Variants in NACC2 observed in about 807,000 individuals in gnomAD.
NACC2 encodes NACC family member 2.
In NACC2, 8 loss-of-function variants were observed where a neutral mutation model predicts 25.1. The observed-to-expected ratio is 0.32, with a 90% CI of 0.19 to 0.57. The LOEUF (loss-of-function observed/expected upper bound fraction) is 0.57. Ranked by LOEUF, NACC2 falls within the 20% of genes least tolerant of loss-of-function variation. The pLI, the probability that NACC2 is intolerant of heterozygous loss-of-function variation, is 0.89. For missense variants in NACC2, 644 were observed against 650.2 expected (o/e 0.99, Z 0.10); for synonymous variants, 435 against 294.7 (o/e 1.48, Z -4.88).
intron 1 of NACC2, among the ~76,000 whole-genome samples, chr9:136,061,001 T>A (rs906945494): frequency 2.0e-5 from 3 of 152,214 alleles, no homozygotes; most frequent in Non-Finnish European, 4.4e-5. Flanking sequence ...CATGGTTTGT[T>A]CTGCACCATC....
chr9:136,013,234 T>C lies in NACC2; in HGVS notation c.1220A>G (p.Lys407Arg). The part of the protein sequence containing the change: ...IRSSTSDPSR[K>R]PLDSRVLNAV... ...GTTCAGGACCCGGCTGTCCAGCGGC[T>C]TCCGGCTGGGGTCGCTGGTGGACGA... Residue 407 changes from lysine to arginine, a missense_variant, in exon 5 of 6, where the codon AAG becomes AGG. Coordinates refer to ENST00000277554, the MANE Select transcript of NACC2 (RefSeq NM_144653.5). The surrounding 1 kb of genome is among the most constrained non-coding windows in gnomAD (Gnocchi z 6.6). 1 of 1,533,984 alleles carries C rather than the reference T, an allele frequency of 6.5e-7. No individual in the cohort carries two copies. Among genetic ancestry groups the C allele is most frequent in the Non-Finnish European group, 8.8e-7 (1 of 1,131,406 alleles).
intron 1 of NACC2, among the ~76,000 whole-genome samples, chr9:136,072,189 G>A (rs895304196): frequency 4.0e-5 from 6 of 151,802 alleles, no homozygotes; most frequent in African/African-American, 1.5e-4. Flanking sequence ...AGTTAGCCGA[G>A]ATCGTGCCAT....
chr9:136,068,117 T>C (rs997259027), intron 1 of NACC2, among the ~76,000 whole-genome samples: 2 of 152,204 alleles, frequency 1.3e-5, no homozygotes, highest in Non-Finnish European at 2.9e-5. Flanking sequence ...AGTGAGAGAA[T>C]GTGAAGGACT....
chr9:136,035,123 C>T (rs1198977101), intron 2 of NACC2, among the ~76,000 whole-genome samples: 1 of 152,046 alleles, frequency 6.6e-6, no homozygotes, highest in Admixed American at 6.6e-5. Flanking sequence ...ATCCTATTTG[C>T]ACCCATCAGA....
At chr9:136,067,753 T>C (rs758224137) in intron 1 of NACC2, among the ~76,000 whole-genome samples, 1 of 152,196 alleles carries the variant, frequency 6.6e-6, no homozygotes, top group Non-Finnish European at 1.5e-5. Context: ...GAGAATCACT[T>C]GAACCCGGGA....
intron 2 of NACC2, among the ~76,000 whole-genome samples, chr9:136,044,114 C>G (rs1301310001): frequency 6.6e-6 from 1 of 152,100 alleles, no homozygotes; most frequent in East Asian, 1.9e-4. Context: ...GGTGAGCCAC[C>G]ACGCCTGGCC....
At chr9:136,061,839 G>A (rs778441542) in intron 1 of NACC2, among the ~76,000 whole-genome samples, 6 of 152,174 alleles carry the variant, frequency 3.9e-5, no homozygotes, top group Non-Finnish European at 7.3e-5. Context: ...AAAGTTGGTG[G>A]CCGGGCGCGG....
chr9:136,088,093 G>A (rs569434591), intron 1 of NACC2, among the ~76,000 whole-genome samples: 2 of 152,318 alleles, frequency 1.3e-5, no homozygotes, highest in African/African-American at 4.8e-5. Context: ...AGCAGTATTC[G>A]GGGACTGTCG....
Position 136,013,287 on chromosome 9 carries a change from C to T in NACC2, c.1167G>A (p.Leu389=). 1 of 1,612,244 alleles carries T rather than the reference C, an allele frequency of 6.2e-7. No individual in the cohort carries two copies. The highest frequency in any genetic ancestry group is 2.2e-5 in the East Asian group (1 of 44,848). The stretch of plus-strand genomic sequence containing the variant: ...GGATGCCAGTCCCGCAGCTGTTGGC[C>T]AGCGTGTTCCTGGTGGAGGGACCGG... ...LLATFFDRNT[L]ANSCGTGIRS... Residue 389 remains leucine, a synonymous_variant, in exon 5 of 6, where the codon CTG becomes CTA. Transcript: ENST00000277554. This position sits in a 1 kb window ranked among gnomAD's most constrained non-coding sequence, Gnocchi z 6.6.
At chr9:136,072,736 G>A (rs1327787346) in intron 1 of NACC2, among the ~76,000 whole-genome samples, 2 of 152,160 alleles carry the variant, frequency 1.3e-5, no homozygotes, top group African/African-American at 4.8e-5. Flanking sequence ...TATAATCCCA[G>A]CTACTTGGGA....
chr9:136,072,959 G>A (rs1830213999), intron 1 of NACC2, among the ~76,000 whole-genome samples: 1 of 152,156 alleles, frequency 6.6e-6, no homozygotes, highest in Admixed American at 6.6e-5. Flanking sequence ...AGAATCCGGG[G>A]CTAGGCAGAG....
chr9:136,024,485 A>AGAGG (rs1564221713), intron 2 of NACC2, among the ~76,000 whole-genome samples: 1 of 90,392 alleles, frequency 1.1e-5, no homozygotes, highest in Non-Finnish European at 2.3e-5. Context: ...GTGTGAGGAC[A>AGAGG]GTGTGTGTGA....
At position 136,055,696 on chromosome 9, in the gene NACC2, TAAG is replaced by T; in HGVS notation, c.-59-5119_-59-5117del. Among the ~76,000 whole-genome samples, 1 of 152,154 alleles carries T rather than the reference TAAG, an allele frequency of 6.6e-6. No homozygotes were observed. Among genetic ancestry groups the T allele is most frequent in the East Asian group, 1.9e-4 (1 of 5,196 alleles). On this transcript the variant is annotated intron_variant, in intron 1 of 5. Coordinates refer to ENST00000277554, the MANE Select transcript of NACC2 (RefSeq NM_144653.5). This position sits in a 1 kb window ranked among gnomAD's most constrained non-coding sequence, Gnocchi z 4.9. The stretch of plus-strand genomic sequence containing the variant: ...GCAGGATTTAATTTCACCAATCTAA[TAAG>T]AGGTTCTGGACCTCAGCAAATGCAC...
intron 2 of NACC2, among the ~76,000 whole-genome samples, chr9:136,024,244 CAGAGGGTGTGTGTGAGGACAGAGG>C (rs1840345153): frequency 6.2e-5 from 1 of 16,166 alleles, no homozygotes; most frequent in South Asian, 2.4e-3. Context: ...TGTGTGAGGA[CAGAGGGTGTGTGTGAGGACAGAGG>C]GTGTGTGTGA....
At chr9:136,014,717 C>T (rs1210201324) in intron 3 of NACC2, among the ~76,000 whole-genome samples, 1 of 152,222 alleles carries the variant, frequency 6.6e-6, no homozygotes, top group East Asian at 1.9e-4. Flanking sequence ...AATCCCCTGG[C>T]TGGAGGGTAT....
chr9:136,020,001 G>T lies in NACC2; in HGVS notation c.887-3572C>A, dbSNP rs1840266018. The stretch of plus-strand genomic sequence containing the variant: ...GAGGGTGGGTGCCGGGGCTGGGTGG[G>T]GGAACGGGGAGGGACCGTTTCATGG... On this transcript the variant is annotated intron_variant, in intron 2 of 5. Transcript: ENST00000277554. This position sits in a 1 kb window ranked among gnomAD's most constrained non-coding sequence, Gnocchi z 4.7. Among the ~76,000 whole-genome samples the T allele has an allele frequency of 6.6e-6, 1 of 152,198 alleles. No individual in the cohort carries two copies. The highest frequency in any genetic ancestry group is 2.4e-5 in the African/African-American group (1 of 41,520).
chr9:136,079,244 G>T (rs535884456), intron 1 of NACC2, among the ~76,000 whole-genome samples: 2 of 152,346 alleles, frequency 1.3e-5, no homozygotes, highest in South Asian at 2.1e-4. Context: ...TCTGAGCTGA[G>T]GGGGAGACCA....
rs776105952 is a variant in NACC2, at chr9:136,011,880, C to T, written c.1400G>A (p.Arg467His). The T allele has an allele frequency of 1.1e-4, 169 of 1,570,948 alleles. No homozygotes were observed. Among genetic ancestry groups the T allele is most frequent in the Middle Eastern group, 1.7e-4 (1 of 6,042 alleles). The change falls in exon 6 of 6, where the codon CGC becomes CAC. Residue 467 changes from arginine (R) to histidine (H), a missense_variant. Arg to His is a conservative substitution (Grantham distance 29, BLOSUM62 0). Transcript: ENST00000277554. ...SMLPEGVEMY[R>H]TVMGSAAASV... ...GGCGGCGGCGGAGCCCATGACCGTG[C>T]GGTACATCTCCACGCCCTCCGGCAG... is the stretch of plus-strand genomic sequence containing the variant.
chr9:136,073,036 CACAAGACACAGGTAATGGGATGAAAAG>C (rs1217775027), intron 1 of NACC2, among the ~76,000 whole-genome samples: 1 of 152,110 alleles, frequency 6.6e-6, no homozygotes, highest in Non-Finnish European at 1.5e-5. Flanking sequence ...TTTTGCTCAG[CACAAGACACAGGTAATGGGATGAAAAG>C]ACAAGACACA....
Sources: gnomAD v4.1 joint callset for allele counts (sites outside exome capture counted in the v4.1 genomes callset) on GRCh38, gnomAD v4.1.1 for gene constraint, Gnocchi (gnomAD v3.1) non-coding constraint, MANE v1.5 for transcripts, NCBI Gene and HGNC (gene_info 2026-07-23, HGNC 2026-07-21) for gene names.